The following LAMA3 variants were observed in gnomAD, a reference collection of about 807,000 sequenced individuals.
LAMA3 encodes laminin subunit alpha 3, also known as laminin subunit alpha-3.
A neutral mutation model predicts 402.0 loss-of-function variants in LAMA3; 281 were observed. The ratio of observed to expected loss-of-function variants is 0.70; its 90% CI spans 0.63 to 0.77. The LOEUF is 0.77. Ranked by LOEUF, LAMA3 falls within the 30% of genes least tolerant of loss-of-function variation. The pLI is 0.00. For missense variants in LAMA3, 3,840 were observed against 4,215.5 expected, an observed-to-expected ratio of 0.91 and a Z score of 2.47; for synonymous variants, 1,431 against 1,558.4, an observed-to-expected ratio of 0.92 and a Z score of 1.93.
At chr18:23,820,493 T>A (rs1368715276) in intron 19 of LAMA3, among the ~76,000 whole-genome samples, 1 of 152,238 alleles carries the variant, frequency 6.6e-6, no homozygotes, top group Non-Finnish European at 1.5e-5. Context: ...TGAATGTTTG[T>A]TAGTTAAGTG....
intron 37 of LAMA3, among the ~76,000 whole-genome samples, chr18:23,869,077 G>A (rs539114291): frequency 1.6e-4 from 25 of 152,316 alleles, no homozygotes; most frequent in Middle Eastern, 3.4e-3. Flanking sequence ...GGTGATATCA[G>A]TAAAATGATA....
Position 23,858,722 on chromosome 18 carries a change from C to T in LAMA3, c.4315C>T (p.Arg1439Ter), listed in dbSNP as rs369517629. 1.9e-5 allele frequency: 30 copies of T among 1,614,054 alleles called. No homozygotes were observed. The highest frequency in any genetic ancestry group is 3.3e-5 in the Admixed American group (2 of 60,014). The change falls in exon 34 of 75, where the codon CGA becomes TGA. Residue 1439 changes from arginine (R) to a stop codon, truncating the protein, a stop_gained. Coordinates refer to ENST00000313654, the MANE Select transcript of LAMA3 (RefSeq NM_198129.4). LOFTEE classifies it high-confidence loss of function. The part of the protein sequence containing the change: ...NVEGTECNVC[R>*]EGSFHLDPAN... ...AGAAGGCACAGAGTGTAATGTGTGT[C>T]GAGAAGGCTCATTCCATTTGGACCC...
At chr18:23,852,153 A>T (rs1293905550) in intron 32 of LAMA3, among the ~76,000 whole-genome samples, 1 of 152,142 alleles carries the variant, frequency 6.6e-6, no homozygotes, top group Non-Finnish European at 1.5e-5. Flanking sequence ...TCATGTTCAG[A>T]TGATATTGAT....
Position 23,689,651 on chromosome 18 carries a change from G to T in LAMA3, c.-33G>T. 1 of 1,262,352 alleles carries T rather than the reference G, an allele frequency of 7.9e-7. No homozygotes were observed. Among genetic ancestry groups the T allele is most frequent in the Non-Finnish European group, 9.9e-7 (1 of 1,007,132 alleles). 78.2% of individuals were successfully genotyped at this position (1,262,352 alleles called of 1,614,324 possible). A position where few individuals can be genotyped will look rare whatever the true frequency, so the allele number is the denominator to read the frequency against. ...GGCGGTGCCCCCGAGCCCCTCTGCG[G>T]ACGGCTCAGGCGGGAGGACCCCGCG... On this transcript the variant is annotated 5_prime_UTR_variant, in exon 1 of 75. Transcript: ENST00000313654.
intron 38 of LAMA3, among the ~76,000 whole-genome samples, chr18:23,874,414 G>C (rs1568282861): frequency 6.6e-6 from 1 of 152,092 alleles, no homozygotes; most frequent in East Asian, 1.9e-4. Flanking sequence ...TCTCCTTTAG[G>C]CAAGCCTGTT....
At position 23,815,590 on chromosome 18, in the gene LAMA3, G is replaced by A; in HGVS notation, c.2047+17G>A. Reference sequence around the variant, plus strand: ...GGTGTCAAGGTAAATAAGTCCATTGGGCCCTGAGCAAAGCACAGTGTTGAT... The same window carrying A: ...GGTGTCAAGGTAAATAAGTCCATTGAGCCCTGAGCAAAGCACAGTGTTGAT... On this transcript the variant is annotated intron_variant, in intron 17 of 74. Coordinates refer to ENST00000313654, the MANE Select transcript of LAMA3 (RefSeq NM_198129.4). The A allele has an allele frequency of 6.6e-7, 1 of 1,524,300 alleles. No homozygotes were observed. Among genetic ancestry groups the A allele is most frequent in the Non-Finnish European group, 9.1e-7 (1 of 1,098,314 alleles). 94.4% of individuals were successfully genotyped at this position (1,524,300 alleles called of 1,614,324 possible).
At chr18:23,756,041 ATAATCTTG>A (rs1408058242) in intron 6 of LAMA3, among the ~76,000 whole-genome samples, 2 of 152,148 alleles carry the variant, frequency 1.3e-5, no homozygotes, top group Non-Finnish European at 2.9e-5. Flanking sequence ...TCTTCCCTAA[ATAATCTTG>A]TAGTCTAGCT....
chr18:23,870,100 C>T (rs931156810), intron 37 of LAMA3, among the ~76,000 whole-genome samples: 9 of 151,396 alleles, frequency 5.9e-5, no homozygotes, highest in Admixed American at 4.0e-4. Flanking sequence ...GTCAGGAGTT[C>T]GAGACCAGCC....
Position 23,810,359 on chromosome 18 carries a change from C to G in LAMA3, c.1604-7C>G, listed in dbSNP as rs1208052949. 3 of 1,614,122 alleles carry G rather than the reference C, an allele frequency of 1.9e-6. No homozygotes were observed. The highest frequency in any genetic ancestry group is 1.7e-5 in the Admixed American group (1 of 60,018). ...CCGCCTAAGTCTGATTGAATTCTTT[C>G]ATCCAGCCTGCTGGTGTTCAGCCCT... On this transcript the variant is annotated splice_region_variant and splice_polypyrimidine_tract_variant and intron_variant, in intron 12 of 74. Coordinates refer to ENST00000313654, the MANE Select transcript of LAMA3 (RefSeq NM_198129.4).
chr18:23,795,391 T>C (rs2062742812), intron 12 of LAMA3, among the ~76,000 whole-genome samples: 1 of 152,176 alleles, frequency 6.6e-6, no homozygotes, highest in Non-Finnish European at 1.5e-5. Context: ...ATTAAGTAAA[T>C]GGGCATTTAT....
At chr18:23,907,072 A>G (rs2145176427) in intron 52 of LAMA3, among the ~76,000 whole-genome samples, 1 of 152,330 alleles carries the variant, frequency 6.6e-6, no homozygotes, top group East Asian at 1.9e-4. Flanking sequence ...TCTTTCAACA[A>G]CACTCTTTTC....
intron 62 of LAMA3, among the ~76,000 whole-genome samples, chr18:23,925,787 G>C (rs1006799520): frequency 6.6e-6 from 1 of 152,224 alleles, no homozygotes; most frequent in Non-Finnish European, 1.5e-5. Context: ...CCCAGGAATA[G>C]TGGAAGTAAA....
intron 38 of LAMA3, among the ~76,000 whole-genome samples, chr18:23,873,370 C>T (rs1417261576): frequency 2.6e-5 from 4 of 152,166 alleles, no homozygotes; most frequent in Non-Finnish European, 5.9e-5. Context: ...TATTACAGTG[C>T]CTGACAGATT....
At chr18:23,731,351 C>T (rs1349392296) in intron 2 of LAMA3, among the ~76,000 whole-genome samples, 1 of 152,176 alleles carries the variant, frequency 6.6e-6, no homozygotes, top group Non-Finnish European at 1.5e-5. Flanking sequence ...TAAAACACCC[C>T]TCCCACCCAC....
At chr18:23,813,911 G>A (rs947923617) in intron 14 of LAMA3, among the ~76,000 whole-genome samples, 7 of 152,158 alleles carry the variant, frequency 4.6e-5, no homozygotes, top group African/African-American at 7.2e-5. Flanking sequence ...TAGAGATGCC[G>A]ACTTCCAGGC....
intron 1 of LAMA3, among the ~76,000 whole-genome samples, chr18:23,704,380 A>G (rs547392263): frequency 2.4e-4 from 36 of 152,332 alleles, no homozygotes; most frequent in Admixed American, 2.4e-3. Context: ...GCCATAAGTA[A>G]CATTATCAGG....
chr18:23,847,516 C>T lies in LAMA3; in HGVS notation c.3984C>T (p.Cys1328=), dbSNP rs1451213193. The change falls in exon 32 of 75, where the codon TGC becomes TGT. Residue 1328 remains cysteine (C), a synonymous_variant. Coordinates refer to ENST00000313654, the MANE Select transcript of LAMA3 (RefSeq NM_198129.4). ...AAGAGATGACGGGGCAGTGCCGCTG[C>T]CCTCCCCGCACGGTCAGGCCCCAGT... The part of the protein sequence containing the change: ...LCEEMTGQCR[C]PPRTVRPQCE... 3 of 1,613,950 alleles carry T rather than the reference C, an allele frequency of 1.9e-6. No individual in the cohort carries two copies. Among genetic ancestry groups the T allele is most frequent in the South Asian group, 2.2e-5 (2 of 91,090 alleles).
chr18:23,904,486 T>G, intron 50 of LAMA3, 67 bp from the exon 51 acceptor site: 2 of 1,469,700 alleles, frequency 1.4e-6, no homozygotes, highest in Non-Finnish European at 1.9e-6. Context: ...AATGGAAAGG[T>G]TTGGGGGGAT....
intron 8 of LAMA3, among the ~76,000 whole-genome samples, chr18:23,769,766 A>G (rs1238156306): frequency 6.6e-6 from 1 of 152,268 alleles, no homozygotes; most frequent in Non-Finnish European, 1.5e-5. Flanking sequence ...ATCCAGCTCT[A>G]TAAAAAATAC....
Sources: gnomAD v4.1 joint callset for allele counts (sites outside exome capture counted in the v4.1 genomes callset) on GRCh38, gnomAD v4.1.1 for gene constraint, MANE v1.5 for transcripts, NCBI Gene and HGNC (gene_info 2026-07-23, HGNC 2026-07-21) for gene names.